MCM6: variants seen among roughly 807,000 people sequenced by gnomAD.
MCM6 encodes DNA replication licensing factor MCM6.
A neutral mutation model predicts 94.3 loss-of-function variants in MCM6; 46 were observed. The ratio of observed to expected loss-of-function variants is 0.49; its 90% CI spans 0.39 to 0.62. The LOEUF (loss-of-function observed/expected upper bound fraction) is 0.62, where lower values mean the gene tolerates loss of function less well. Among genes scored for constraint, MCM6 ranks in the 20% least tolerant of loss-of-function variants. MCM6 has a pLI of 0.00. For missense variants in MCM6, 865 were observed against 1,017.9 expected (o/e 0.85, Z 2.04); for synonymous variants, 335 against 351.9 (o/e 0.95, Z 0.54).
chr2:135,850,433 T>C (rs983532393), intron 13 of MCM6, among the ~76,000 whole-genome samples: 1 of 152,084 alleles, frequency 6.6e-6, no homozygotes, highest in Non-Finnish European at 1.5e-5. Flanking sequence ...ATTAAATACA[T>C]GTCTCGTTCC....
Position 135,851,533 on chromosome 2 carries a change from C to T in MCM6, c.1786G>A (p.Glu596Lys). The T allele has an allele frequency of 6.2e-7, 1 of 1,611,322 alleles. No homozygotes were observed. Among genetic ancestry groups the T allele is most frequent in the Non-Finnish European group, 8.5e-7 (1 of 1,178,968 alleles). ...CTCTGGCGGAGATGTTTATATTGCT[C>T]CACAATGAAGTCCTCTGACTCTTTG... The part of the protein sequence containing the change: ...ISKESEDFIV[E>K]QYKHLRQRDG... Residue 596 changes from glutamate (E) to lysine (K), a missense_variant, in exon 13 of 17, where the codon GAG (glutamate) becomes AAG (lysine). Glu to Lys is a moderately conservative substitution (Grantham distance 56). Around this residue, in one of 3 missense-constraint regions of MCM6, gnomAD observed 308 missense variants for 324.5 expected, o/e 0.95. Coordinates refer to ENST00000264156, the MANE Select transcript of MCM6 (RefSeq NM_005915.6).
intron 1 of MCM6, among the ~76,000 whole-genome samples, chr2:135,873,048 T>C (rs4988155): frequency 0.015 from 2,255 of 152,294 alleles, 58 homozygotes; most frequent in African/African-American, 0.052. Context: ...TTTCCACATG[T>C]TGTGGGAGGC....
At chr2:135,857,800 C>G in intron 10 of MCM6, 97 bp downstream of exon 10, 2 of 928,856 alleles carry the variant, frequency 2.2e-6, no homozygotes, top group Non-Finnish European at 1.7e-6. Flanking sequence ...GCATTACACA[C>G]TGAAGTAATG....
In MCM6 at chr2:135,852,973, C is replaced by T. The variant is rs535557467; in HGVS notation, c.1627-58G>A. 7.6e-6 allele frequency: 11 copies of T among 1,455,786 alleles called. No individual in the cohort carries two copies. In the South Asian group the frequency reaches 1.4e-4, roughly 18 times the overall value. 90.2% of individuals were successfully genotyped at this position (1,455,786 alleles called of 1,614,324 possible). A position where few individuals can be genotyped will look rare whatever the true frequency, so the allele number is the denominator to read the frequency against. On this transcript the variant is annotated intron_variant, in intron 11 of 16. Coordinates refer to ENST00000264156, the MANE Select transcript of MCM6 (RefSeq NM_005915.6). ...CACAGCAATATCTTCTCCAGACTATCCCAGGCAATAAGAAATGATTTATCG... is the reference window on the plus strand; with the variant it reads ...CACAGCAATATCTTCTCCAGACTATTCCAGGCAATAAGAAATGATTTATCG...
chr2:135,866,753 C>G (rs778281381), intron 4 of MCM6, 25 bp from the exon 5 acceptor site: 7 of 1,569,084 alleles, frequency 4.5e-6, no homozygotes, highest in Non-Finnish European at 6.0e-6. Context: ...AACAACCAAC[C>G]AAGAATGAGA....
chr2:135,872,611 C>A (rs937870556), intron 2 of MCM6, 86 bp downstream of exon 2: 1 of 1,368,042 alleles, frequency 7.3e-7, no homozygotes, highest in East Asian at 2.3e-5. Context: ...CCTTCTGCTA[C>A]ACAAGTGAAC....
At chr2:135,858,147 T>C (rs980631254) in intron 9 of MCM6, 143 bp from the exon 10 acceptor site, 16 of 727,038 alleles carry the variant, frequency 2.2e-5, no homozygotes, top group East Asian at 5.1e-5. Flanking sequence ...TGAGCCATGA[T>C]TGCCACTGTA....
At chr2:135,843,704 T>G (rs1291421175) in intron 16 of MCM6, among the ~76,000 whole-genome samples, 1 of 131,152 alleles carries the variant, frequency 7.6e-6, no homozygotes, top group Admixed American at 8.9e-5. Flanking sequence ...CACTCCAGCA[T>G]GGGCAACAAG....
At chr2:135,855,477 G>C (rs1425211623) in intron 11 of MCM6, among the ~76,000 whole-genome samples, 2 of 152,012 alleles carry the variant, frequency 1.3e-5, no homozygotes, top group African/African-American at 2.4e-5. Flanking sequence ...ACCAACACGG[G>C]TCTTGAACTT....
At position 135,876,301 on chromosome 2, in the gene MCM6, A is replaced by G; in HGVS notation, c.65T>C (p.Val22Ala). The change falls in exon 1 of 17, where the codon GTG becomes GCG. Residue 22 changes from valine to alanine, a missense_variant. Val to Ala is a moderately conservative substitution (Grantham distance 64, BLOSUM62 0). This residue lies in a region of MCM6 where 404 missense variants were observed against 451.9 expected (regional missense o/e 0.89). Transcript: ENST00000264156. ...GAACAGTTTCTGGCACTTCTCGGCC[A>G]CCTCGTCGCGGACCTCCAGGTGCTG... ...GSQHLEVRDE[V>A]AEKCQKLFLD... 1.2e-6 allele frequency: 2 copies of G among 1,611,158 alleles called. No homozygotes were observed. Among genetic ancestry groups the G allele is most frequent in the Non-Finnish European group, 1.7e-6 (2 of 1,179,490 alleles).
rs998380778 is a variant in MCM6, at chr2:135,861,371, G to A, written c.1220+1236C>T. 1.1e-4 allele frequency among the ~76,000 whole-genome samples: 17 copies of A among 152,088 alleles called. No homozygotes were observed. The South Asian group carries it at 2.1e-3, about 19-fold the overall frequency. On this transcript the variant is annotated intron_variant, in intron 8 of 16. Transcript: ENST00000264156. ...AGGTTGTGACTCTCTGAAAAAAAAA[G>A]GGAATAATACACATGCCTGTCTGGG...
rs771453730 is a variant in MCM6, at chr2:135,859,395, G to A, written c.1268C>T (p.Ala423Val). 2 of 1,612,700 alleles carry A rather than the reference G, an allele frequency of 1.2e-6. No homozygotes were observed. Among genetic ancestry groups the A allele is most frequent in the South Asian group, 1.1e-5 (1 of 91,050 alleles). The change falls in exon 9 of 17, where the codon GCG becomes GTG. Residue 423 changes from alanine (A) to valine (V), a missense_variant. By Grantham distance (64) the Ala-to-Val change is moderately conservative. Coordinates refer to ENST00000264156, the MANE Select transcript of MCM6 (RefSeq NM_005915.6). ...SPRAVYTSGKASSAAGLTAAV... is the reference protein window; with the variant it reads ...SPRAVYTSGKVSSAAGLTAAV... ...TGCTGTTAAGCCAGCAGCACTGGAC[G>A]CTTTACCACTGGTGTAGACAGCTCT...
intron 4 of MCM6, among the ~76,000 whole-genome samples, chr2:135,867,268 C>G (rs1184188822): frequency 1.3e-5 from 2 of 152,104 alleles, no homozygotes; most frequent in Non-Finnish European, 2.9e-5. Flanking sequence ...TTATCACAAC[C>G]AAGATAATTA....
At chr2:135,872,937 G>A in intron 1 of MCM6, 94 bp from the exon 2 acceptor site, 1 of 1,422,010 alleles carries the variant, frequency 7.0e-7, no homozygotes, top group Non-Finnish European at 9.6e-7. Context: ...CCAACAACTA[G>A]GCTCAGACAG....
At chr2:135,859,268 T>A (rs764421240) in intron 9 of MCM6, 33 bp downstream of exon 9, 6 of 1,580,914 alleles carry the variant, frequency 3.8e-6, no homozygotes, top group Non-Finnish European at 5.2e-6. Flanking sequence ...GTATTCTGAC[T>A]TCTTTATACT....
Position 135,868,838 on chromosome 2 carries a change from T to C in MCM6, c.388A>G (p.Arg130Gly), listed in dbSNP as rs773494816. ...RHKIRELTSS[R>G]IGLLTRISGQ... The stretch of plus-strand genomic sequence containing the variant: ...CTGATGCGAGTGAGCAAACCAATTC[T>C]GGATGAGGTGAGCTCTCGAATCCTG... The change falls in exon 4 of 17, where the codon AGA (arginine) becomes GGA (glycine). Residue 130 changes from arginine to glycine, a missense_variant. By Grantham distance (125) the Arg-to-Gly change is moderately radical (BLOSUM62 -2). This residue lies in a region of MCM6 where 404 missense variants were observed against 451.9 expected (regional missense o/e 0.89). Transcript: ENST00000264156. 11 of 1,614,034 alleles carry C rather than the reference T, an allele frequency of 6.8e-6. No individual in the cohort carries two copies. Among genetic ancestry groups the C allele is most frequent in the Non-Finnish European group, 8.5e-6 (10 of 1,180,024 alleles).
intron 3 of MCM6, among the ~76,000 whole-genome samples, chr2:135,869,237 C>T (rs1340978094): frequency 6.6e-6 from 1 of 152,026 alleles, no homozygotes; most frequent in African/African-American, 2.4e-5. Flanking sequence ...CCCACCTCTA[C>T]TAAAAATACA....
At chr2:135,865,772 T>G (rs1231244670) in intron 6 of MCM6, among the ~76,000 whole-genome samples, 1 of 152,162 alleles carries the variant, frequency 6.6e-6, no homozygotes, top group African/African-American at 2.4e-5. Context: ...GTTTTAAAAC[T>G]CATCAAATCT....
At chr2:135,856,616 G>A in intron 11 of MCM6, 112 bp downstream of exon 11, 1 of 1,103,940 alleles carries the variant, frequency 9.1e-7, no homozygotes, top group Non-Finnish European at 1.3e-6. Flanking sequence ...CACCCTGAGG[G>A]AAATCAAAGG....
Sources: allele counts gnomAD v4.1 joint callset (sites outside exome capture counted in the v4.1 genomes callset), GRCh38; gene constraint gnomAD v4.1.1; regional missense constraint gnomAD v4.1.1; transcripts MANE v1.5; gene names NCBI Gene and HGNC (gene_info 2026-07-23, HGNC 2026-07-21).